Variants in RC3H2 observed in about 807,000 individuals in gnomAD.
RC3H2 encodes roquin-2.
RC3H2 carries 31 observed loss-of-function variants against 133.3 expected under a neutral mutation model. The ratio of observed to expected loss-of-function variants is 0.23; its 90% CI spans 0.17 to 0.31. The LOEUF (loss-of-function observed/expected upper bound fraction) is 0.31. Among genes scored for constraint, RC3H2 ranks in the 10% least tolerant of loss-of-function variants. The probability of loss-of-function intolerance (pLI) is 1.00; values close to 1 mark genes in which losing one functional copy is unlikely to be tolerated. For missense variants in RC3H2, 1,175 were observed against 1,437.2 expected, an observed-to-expected ratio of 0.82 and a Z score of 2.95; for synonymous variants, 517 against 502.2, an observed-to-expected ratio of 1.03 and a Z score of -0.40.
rs1255419457 is a variant in RC3H2 at position 122,877,574 on chromosome 9, T to G, written c.1222A>C (p.Asn408His). 6.2e-7 allele frequency: 1 copy of G among 1,613,910 alleles called. No individual in the cohort carries two copies. The highest frequency in any genetic ancestry group is 8.5e-7 in the Non-Finnish European group (1 of 1,179,910). The change falls in exon 9 of 21, where the codon AAC (asparagine) becomes CAC (histidine). Residue 408 changes from asparagine to histidine, a missense_variant. This residue lies in a region of RC3H2 where 131 missense variants were observed against 154.2 expected (regional missense o/e 0.85). Coordinates refer to ENST00000357244, the MANE Select transcript of RC3H2 (RefSeq NM_001100588.3). Reference sequence around the variant, plus strand: ...CACATGCTAGTCTTGTATTTGCTGTTTGGCTGAGGCTACAAAAATGGGAAC... The same window carrying G: ...CACATGCTAGTCTTGTATTTGCTGTGTGGCTGAGGCTACAAAAATGGGAAC... ...KGHETPQPQP[N>H]SKYKTSMCRD...
chr9:122,875,455 C>A, intron 9 of RC3H2: 4 of 1,422,108 alleles, frequency 2.8e-6, no homozygotes, highest in East Asian at 2.5e-5. Context: ...TACAGCCATG[C>A]CCAATTTATG....
At chr9:122,855,132 AAAGGCAT>A in intron 15 of RC3H2, 45 bp downstream of exon 15, 2 of 1,322,632 alleles carry the variant, frequency 1.5e-6, no homozygotes, top group Admixed American at 2.4e-5. Flanking sequence ...AAAAAAAAAA[AAAGGCAT>A]AGTGCTTAGA....
chr9:122,884,458 C>A (rs537802716), intron 4 of RC3H2, among the ~76,000 whole-genome samples: 1 of 152,258 alleles, frequency 6.6e-6, no homozygotes, highest in East Asian at 1.9e-4. Context: ...GAATGCAAAA[C>A]CCAAAGAAGG....
chr9:122,896,505 T>C (rs1004079473), intron 2 of RC3H2, among the ~76,000 whole-genome samples: 4 of 152,204 alleles, frequency 2.6e-5, no homozygotes, highest in African/African-American at 9.7e-5. Context: ...GAATTGAATA[T>C]GTAACTATAA....
Position 122,845,991 on chromosome 9 carries a change from T to C in RC3H2, c.*3636A>G, listed in dbSNP as rs868846041. 6.6e-6 allele frequency: 1 copy of C among 152,218 alleles called. No individual in the cohort carries two copies. The highest frequency in any genetic ancestry group is 2.4e-5 in the African/African-American group (1 of 41,454). The allele number at this position is 152,218 out of a possible 1,614,324, so 9.4% of individuals were successfully genotyped here. A position where few individuals can be genotyped will look rare whatever the true frequency, so the allele number is the denominator to read the frequency against. The stretch of plus-strand genomic sequence containing the variant: ...ACTCAGATTCAAAGGTGAAATCACA[T>C]GCTGAATCTGATGGTTATACATTCC... On this transcript the variant is annotated 3_prime_UTR_variant, in exon 21 of 21. Coordinates refer to ENST00000357244, the MANE Select transcript of RC3H2 (RefSeq NM_001100588.3).
chr9:122,851,449 C>G lies in RC3H2; in HGVS notation c.3118-13G>C, dbSNP rs772410976. Reference sequence around the variant, plus strand: ...AATCACTCTGTAACTAAGAAAAATACTGATTTTGCTCTCCCTCTCCCTCTC... The same window carrying G: ...AATCACTCTGTAACTAAGAAAAATAGTGATTTTGCTCTCCCTCTCCCTCTC... On this transcript the variant is annotated splice_polypyrimidine_tract_variant and intron_variant, in intron 18 of 20. Coordinates refer to ENST00000357244, the MANE Select transcript of RC3H2 (RefSeq NM_001100588.3). 5 of 1,612,888 alleles carry G rather than the reference C, an allele frequency of 3.1e-6. No individual in the cohort carries two copies. The East Asian group carries it at 8.9e-5, about 29-fold the overall frequency.
Position 122,869,690 on chromosome 9 carries a change from G to A in RC3H2, c.1326-4033C>T, listed in dbSNP as rs981800516. On this transcript the variant is annotated intron_variant, in intron 9 of 20. Coordinates refer to ENST00000357244, the MANE Select transcript of RC3H2 (RefSeq NM_001100588.3). The stretch of plus-strand genomic sequence containing the variant: ...CAATTCTCCTGCCTCAGCCTCTGGA[G>A]TACAGGTGCACATTATAGGCGCGCG... 2.6e-5 allele frequency among the ~76,000 whole-genome samples: 4 copies of A among 151,724 alleles called. No individual in the cohort carries two copies. The South Asian group carries it at 8.4e-4, about 32-fold the overall frequency.
At chr9:122,870,180 GC>G in intron 9 of RC3H2, among the ~76,000 whole-genome samples, 1 of 151,956 alleles carries the variant, frequency 6.6e-6, no homozygotes, top group Non-Finnish European at 1.5e-5. Context: ...TTCAAGACCA[GC>G]CTGGCCAACA....
At chr9:122,872,229 C>T (rs1831132028) in intron 9 of RC3H2, among the ~76,000 whole-genome samples, 1 of 152,214 alleles carries the variant, frequency 6.6e-6, no homozygotes, top group African/African-American at 2.4e-5. Flanking sequence ...TCCTTGATTC[C>T]TCTCTTTTCT....
chr9:122,901,660 C>T (rs904154820), intron 1 of RC3H2, among the ~76,000 whole-genome samples: 13 of 139,490 alleles, frequency 9.3e-5, no homozygotes, highest in Admixed American at 8.7e-4. Flanking sequence ...GGTGCGATTT[C>T]GGCTCACTGC....
intron 18 of RC3H2, 131 bp downstream of exon 18, chr9:122,853,821 T>C: frequency 6.5e-7 from 1 of 1,540,634 alleles, no homozygotes; most frequent in South Asian, 1.2e-5. Context: ...ATTTCTGTTA[T>C]AAGTTTTAAA....
intron 9 of RC3H2, chr9:122,874,502 T>C (rs1831249004): frequency 6.6e-6 from 1 of 150,530 alleles, no homozygotes; most frequent in African/African-American, 2.5e-5. Flanking sequence ...TTTATATATT[T>C]ATTATTTTAT....
intron 8 of RC3H2, among the ~76,000 whole-genome samples, chr9:122,877,812 C>A (rs1034819728): frequency 6.6e-5 from 10 of 152,276 alleles, no homozygotes; most frequent in Middle Eastern, 3.4e-3. Context: ...GAAACTGGTT[C>A]AAATGTTATG....
chr9:122,855,304 C>T lies in RC3H2; in HGVS notation c.2695G>A (p.Gly899Arg). ...EEDPIIPFSD[G>R]PIISKWGAIS... ...GCACCCCATTTTGAGATGATGGGTC[C>T]ATCACTAAAGGGAATTATTGGATCT... Residue 899 changes from glycine (G) to arginine (R), a missense_variant, in exon 15 of 21, where the codon GGA becomes AGA. Physicochemically the swap from Gly to Arg is moderately radical, Grantham distance 125. Around this residue, in one of 8 missense-constraint regions of RC3H2, gnomAD observed 138 missense variants for 215.0 expected, o/e 0.64. Coordinates refer to ENST00000357244, the MANE Select transcript of RC3H2 (RefSeq NM_001100588.3). 6.2e-7 allele frequency: 1 copy of T among 1,613,970 alleles called. No individual in the cohort carries two copies.
Position 122,858,900 on chromosome 9 carries a change from A to G in RC3H2, c.2052T>C (p.Pro684=), listed in dbSNP as rs1280179159. ...PPPPQPYGPV[P]PVPSGMYAPV... The stretch of plus-strand genomic sequence containing the variant: ...GAGCATACATTCCAGAAGGTACTGG[A>G]GGAACTGGTCCATACGGCTGCGGAG... Residue 684 remains proline, a synonymous_variant, in exon 12 of 21, where the codon CCT becomes CCC. Coordinates refer to ENST00000357244, the MANE Select transcript of RC3H2 (RefSeq NM_001100588.3). 1.2e-6 allele frequency: 2 copies of G among 1,614,282 alleles called. No individual in the cohort carries two copies. The highest frequency in any genetic ancestry group is 3.3e-5 in the Admixed American group (2 of 60,036).
In RC3H2 at chr9:122,905,351, T is replaced by C. The variant is rs1481597917; in HGVS notation, c.-309A>G. The C allele has an allele frequency of 4.3e-6, 4 of 934,244 alleles. No homozygotes were observed. Among genetic ancestry groups the C allele is most frequent in the African/African-American group, 1.8e-5 (1 of 56,282 alleles). 57.9% of individuals were successfully genotyped at this position (934,244 alleles called of 1,614,324 possible). A position where few individuals can be genotyped will look rare whatever the true frequency, so the allele number is the denominator to read the frequency against. ...CTCCTCCTCACCACGGAGGCGGACC[T>C]GGAGGGATCCCGATCTAGCTCTCGC... On this transcript the variant is annotated 5_prime_UTR_variant, in exon 1 of 21. Coordinates refer to ENST00000357244, the MANE Select transcript of RC3H2 (RefSeq NM_001100588.3).
intron 1 of RC3H2, among the ~76,000 whole-genome samples, chr9:122,899,719 T>C (rs183618862): frequency 2.2e-4 from 33 of 152,346 alleles, no homozygotes; most frequent in East Asian, 1.2e-3. Context: ...TGCAGAGTTA[T>C]ACAAGAAAAG....
At chr9:122,859,679 C>A (rs1192026372) in intron 11 of RC3H2, among the ~76,000 whole-genome samples, 1 of 152,092 alleles carries the variant, frequency 6.6e-6, no homozygotes, top group Non-Finnish European at 1.5e-5. Flanking sequence ...TACATCATTT[C>A]AGGGGACTTA....
At chr9:122,876,684 A>AT (rs1831354359) in intron 9 of RC3H2, among the ~76,000 whole-genome samples, 1 of 152,102 alleles carries the variant, frequency 6.6e-6, no homozygotes, top group African/African-American at 2.4e-5. Context: ...GCTGGGATCA[A>AT]TTTTTTGGTG....
Sources: gnomAD v4.1 joint callset for allele counts (sites outside exome capture counted in the v4.1 genomes callset) on GRCh38, gnomAD v4.1.1 for gene constraint, gnomAD v4.1.1 regional missense constraint, MANE v1.5 for transcripts, NCBI Gene and HGNC (gene_info 2026-07-23, HGNC 2026-07-21) for gene names.